PREX2: variants seen among roughly 807,000 people sequenced by gnomAD.
PREX2 encodes the protein phosphatidylinositol 3,4,5-trisphosphate-dependent Rac exchanger 2 protein.
In PREX2, 107 loss-of-function variants were observed where a neutral mutation model predicts 203.2. That is an observed-to-expected ratio of 0.53 (90% CI 0.45 to 0.62). The LOEUF is 0.62. Among genes scored for constraint, PREX2 ranks in the 20% least tolerant of loss-of-function variants. The pLI is 0.00. For missense variants in PREX2, 1,777 were observed against 1,955.9 expected, an observed-to-expected ratio of 0.91 and a Z score of 1.72; for synonymous variants, 672 against 663.6, an observed-to-expected ratio of 1.01 and a Z score of -0.19.
chr8:68,215,936 A>C (rs1007192751), intron 37 of PREX2, among the ~76,000 whole-genome samples: 1 of 152,206 alleles, frequency 6.6e-6, no homozygotes, highest in Non-Finnish European at 1.5e-5. Context: ...GACAATATGC[A>C]TTGTTATCGG....
intron 1 of PREX2, among the ~76,000 whole-genome samples, chr8:67,973,819 T>C (rs1418597307): frequency 6.6e-6 from 1 of 152,174 alleles, no homozygotes; most frequent in Non-Finnish European, 1.5e-5. Flanking sequence ...AGCAGTTGTA[T>C]TAGTAGTAGC....
chr8:67,999,728 A>G (rs1363962211), intron 1 of PREX2, among the ~76,000 whole-genome samples: 1 of 152,194 alleles, frequency 6.6e-6, no homozygotes, highest in East Asian at 1.9e-4. Flanking sequence ...AAATACTTAC[A>G]AACTGAATCC....
At chr8:67,994,277 T>C (rs1218413758) in intron 1 of PREX2, among the ~76,000 whole-genome samples, 1 of 152,168 alleles carries the variant, frequency 6.6e-6, no homozygotes, top group Non-Finnish European at 1.5e-5. Context: ...AGCTAACGCT[T>C]AAGAAGAGAC....
At chr8:68,163,474 C>A in intron 35 of PREX2, among the ~76,000 whole-genome samples, 1 of 152,074 alleles carries the variant, frequency 6.6e-6, no homozygotes, top group East Asian at 1.9e-4. Flanking sequence ...AGGAATTTAC[C>A]ATAGAATTTC....
intron 1 of PREX2, among the ~76,000 whole-genome samples, chr8:67,964,262 C>G (rs1325486227): frequency 1.3e-5 from 2 of 152,190 alleles, no homozygotes; most frequent in East Asian, 3.9e-4. Context: ...ACGACCAGAT[C>G]TTTGTAACAT....
At chr8:68,156,886 C>T (rs1811553034) in intron 34 of PREX2, among the ~76,000 whole-genome samples, 1 of 152,168 alleles carries the variant, frequency 6.6e-6, no homozygotes, top group African/African-American at 2.4e-5. Flanking sequence ...TGTAAATTTT[C>T]CTTATCAAAG....
intron 35 of PREX2, among the ~76,000 whole-genome samples, chr8:68,169,849 G>A (rs940229379): frequency 5.3e-5 from 8 of 152,072 alleles, no homozygotes; most frequent in Non-Finnish European, 7.3e-5. Flanking sequence ...TTATCCAGTC[G>A]ATGTTCAGGA....
intron 1 of PREX2, among the ~76,000 whole-genome samples, chr8:68,001,867 CACTT>C (rs1806946251): frequency 1.3e-5 from 2 of 152,144 alleles, no homozygotes; most frequent in Admixed American, 1.3e-4. Context: ...CGCATGTTCT[CACTT>C]ACAAGTGGGA....
intron 33 of PREX2, 105 bp from the exon 34 acceptor site, chr8:68,146,104 A>G (rs1811321347): frequency 1.4e-6 from 1 of 712,604 alleles, no homozygotes; most frequent in Admixed American, 2.7e-5. Context: ...CACGTTTAAT[A>G]TATTGGTGTC....
intron 33 of PREX2, among the ~76,000 whole-genome samples, chr8:68,142,305 G>A (rs930260453): frequency 6.6e-6 from 1 of 151,956 alleles, no homozygotes; most frequent in Admixed American, 6.6e-5. Context: ...CTCCCACTCT[G>A]CACCCAACCC....
chr8:68,030,718 A>G, intron 6 of PREX2, 60 bp downstream of exon 6: 2 of 1,523,540 alleles, frequency 1.3e-6, no homozygotes, highest in Non-Finnish European at 1.8e-6. Context: ...GGCCTCGTGC[A>G]GAATTACTGG....
chr8:68,129,058 C>T (rs1810951624), intron 31 of PREX2, among the ~76,000 whole-genome samples: 1 of 152,168 alleles, frequency 6.6e-6, no homozygotes, highest in Non-Finnish European at 1.5e-5. Context: ...ACTGGATCCC[C>T]ACAACCCACT....
chr8:67,966,344 A>G (rs1312282826), intron 1 of PREX2, among the ~76,000 whole-genome samples: 1 of 152,120 alleles, frequency 6.6e-6, no homozygotes, highest in Non-Finnish European at 1.5e-5. Flanking sequence ...TTTCTTTTCC[A>G]GTATGTCACA....
chr8:68,045,762 C>T (rs77811976), intron 8 of PREX2, among the ~76,000 whole-genome samples: 2,479 of 152,146 alleles, frequency 0.016, 50 homozygotes, highest in African/African-American at 0.053. Flanking sequence ...TTTCAAATCC[C>T]TTTCTATGCT....
intron 37 of PREX2, among the ~76,000 whole-genome samples, chr8:68,198,014 C>G (rs1477901121): frequency 6.6e-6 from 1 of 151,786 alleles, no homozygotes; most frequent in African/African-American, 2.4e-5. Context: ...TTCCATTAAT[C>G]TAAAAGAAAA....
chr8:67,986,477 C>T (rs1806429960), intron 1 of PREX2, among the ~76,000 whole-genome samples: 1 of 94,342 alleles, frequency 1.1e-5, no homozygotes, highest in African/African-American at 2.7e-5. Context: ...GGCTTGACTA[C>T]AGGTGGCTTG....
intron 11 of PREX2, among the ~76,000 whole-genome samples, chr8:68,067,449 A>C (rs2129611511): frequency 6.6e-6 from 1 of 152,026 alleles, no homozygotes; most frequent in Non-Finnish European, 1.5e-5. Context: ...CAGTGTACAG[A>C]TCGTTCACCT....
intron 33 of PREX2, among the ~76,000 whole-genome samples, chr8:68,142,410 G>C (rs1247990947): frequency 1.3e-5 from 2 of 152,052 alleles, no homozygotes; most frequent in Non-Finnish European, 2.9e-5. Context: ...TTTTCAGATT[G>C]TCTTCTCTCA....
intron 1 of PREX2, among the ~76,000 whole-genome samples, chr8:67,974,824 C>G (rs1182445313): frequency 6.6e-6 from 1 of 152,158 alleles, no homozygotes; most frequent in Non-Finnish European, 1.5e-5. Flanking sequence ...GCTTTGGTCT[C>G]TTGCAGTTTT....
Sources: allele counts gnomAD v4.1 joint callset (sites outside exome capture counted in the v4.1 genomes callset), GRCh38; gene constraint gnomAD v4.1.1; transcripts MANE v1.5; gene names NCBI Gene and HGNC (gene_info 2026-07-23, HGNC 2026-07-21).